The following IL1RL2 variants were observed in gnomAD, a reference collection of about 807,000 sequenced individuals.
IL1RL2 encodes interleukin 1 receptor like 2.
Under a neutral mutation model 66.8 loss-of-function variants are expected in IL1RL2, and 68 were observed. That is an observed-to-expected ratio of 1.02 (90% confidence interval 0.84 to 1.25). The LOEUF is 1.25. Ranked by LOEUF, IL1RL2 falls within the 50% of genes most tolerant of loss-of-function variation. IL1RL2 has a pLI of 0.00. For missense variants in IL1RL2, 729 were observed against 709.3 expected (o/e 1.03, Z -0.32); for synonymous variants, 305 against 264.6 (o/e 1.15, Z -1.48).
intron 2 of IL1RL2, among the ~76,000 whole-genome samples, chr2:102,188,289 A>T (rs938362286): frequency 2.6e-5 from 4 of 152,186 alleles, no homozygotes; most frequent in Non-Finnish European, 4.4e-5. Flanking sequence ...AATTTCTTCT[A>T]AGAAATTTGG....
At position 102,218,871 on chromosome 2, in the gene IL1RL2, G is replaced by A. The variant is rs1689845187; in HGVS notation, c.725-82G>A. The A allele has an allele frequency of 4.9e-6, 6 of 1,212,550 alleles. No homozygotes were observed. The South Asian group carries it at 5.2e-5, about 10-fold the overall frequency. The allele number at this position is 1,212,550 out of a possible 1,614,324, so 75.1% of individuals were successfully genotyped here. A position where few individuals can be genotyped will look rare whatever the true frequency, so the allele number is the denominator to read the frequency against. On this transcript the variant is annotated intron_variant, in intron 6 of 11. Transcript: ENST00000264257. ...AAAGGTATTCGAGGCTCGAGAGTAC[G>A]ATGCACTTGTAATCCAGATGTTAAC...
At chr2:102,242,245 A>C (rs1258441940), downstream of IL1RL2, among the ~76,000 whole-genome samples, 1 of 152,238 alleles carries the variant, frequency 6.6e-6, no homozygotes, top group East Asian at 1.9e-4. Context: ...GGAAGTTATA[A>C]AAATATTCAT....
chr2:102,211,367 C>T (rs1001128521), intron 5 of IL1RL2, among the ~76,000 whole-genome samples: 8 of 151,836 alleles, frequency 5.3e-5, no homozygotes, highest in African/African-American at 1.9e-4. Context: ...GGAGATAATG[C>T]TAAAGTTTGG....
chr2:102,219,115 G>A (rs1197900030), intron 7 of IL1RL2, 33 bp downstream of exon 7: 20 of 1,611,952 alleles, frequency 1.2e-5, no homozygotes, highest in East Asian at 2.2e-5. Context: ...TTCTCTAAAC[G>A]CTAGCAAGGA....
chr2:102,233,600 G>C (rs182111557), intron 10 of IL1RL2, among the ~76,000 whole-genome samples: 1 of 152,122 alleles, frequency 6.6e-6, no homozygotes, highest in Non-Finnish European at 1.5e-5. Context: ...TATAATGGAA[G>C]TTTTAGTGTA....
intron 8 of IL1RL2, among the ~76,000 whole-genome samples, chr2:102,225,537 G>A (rs1046039229): frequency 2.0e-5 from 3 of 152,166 alleles, no homozygotes; most frequent in Admixed American, 6.5e-5. Flanking sequence ...ATACTCAGGC[G>A]CCACCTCTGG....
intron 6 of IL1RL2, among the ~76,000 whole-genome samples, chr2:102,217,101 C>T (rs925751864): frequency 2.0e-5 from 3 of 152,148 alleles, no homozygotes; most frequent in South Asian, 2.1e-4. Flanking sequence ...ATCACCCTTT[C>T]ACTTTCAGTT....
chr2:102,203,624 C>T (rs1199975653), intron 5 of IL1RL2, among the ~76,000 whole-genome samples: 1 of 151,948 alleles, frequency 6.6e-6, no homozygotes, highest in Non-Finnish European at 1.5e-5. Context: ...TGGATTTCTT[C>T]CTGGTTCAAT....
intron 8 of IL1RL2, 77 bp downstream of exon 8, chr2:102,220,094 C>A: frequency 7.6e-7 from 1 of 1,322,424 alleles, no homozygotes; most frequent in Non-Finnish European, 1.0e-6. Context: ...GGAGCAGTGA[C>A]TCTAAATGCT....
downstream of IL1RL2, among the ~76,000 whole-genome samples, chr2:102,242,912 C>A (rs1239639825): frequency 6.6e-6 from 1 of 152,164 alleles, no homozygotes; most frequent in Admixed American, 6.5e-5. Flanking sequence ...AAGAATTTAT[C>A]TTTTAAATAG....
At chr2:102,193,021 C>T (rs762697977) in intron 4 of IL1RL2, among the ~76,000 whole-genome samples, 6 of 152,014 alleles carry the variant, frequency 3.9e-5, no homozygotes, top group Non-Finnish European at 8.8e-5. Flanking sequence ...TAAGGTTCAC[C>T]TTCAGTCATT....
chr2:102,189,226 A>T lies in IL1RL2; in HGVS notation c.209A>T (p.Gln70Leu), dbSNP rs1353182526. The part of the protein sequence containing the change: ...SSKIPVSKII[Q>L]SRIHQDETWI... ...AAAATCCCAGTGTCCAAAATCATAC[A>T]GTCTAGAATTCACCAGGACGAGACT... The change falls in exon 3 of 12, where the codon CAG (glutamine) becomes CTG (leucine). Residue 70 changes from glutamine to leucine, a missense_variant. Gln to Leu is a moderately radical substitution (Grantham distance 113, BLOSUM62 -2). Transcript: ENST00000264257. The T allele has an allele frequency of 6.2e-7, 1 of 1,614,142 alleles. No individual in the cohort carries two copies. Among genetic ancestry groups the T allele is most frequent in the Admixed American group, 1.7e-5 (1 of 60,030 alleles).
intron 11 of IL1RL2, among the ~76,000 whole-genome samples, chr2:102,237,124 G>A (rs1046979326): frequency 2.6e-5 from 4 of 152,150 alleles, no homozygotes; most frequent in African/African-American, 4.8e-5. Flanking sequence ...GAGAGGACAC[G>A]TCCCCGTACC....
chr2:102,214,156 C>T (rs1046750247), intron 6 of IL1RL2, among the ~76,000 whole-genome samples: 3 of 152,114 alleles, frequency 2.0e-5, no homozygotes, highest in African/African-American at 4.8e-5. Context: ...GACTTTCTTT[C>T]TCTACTCCTG....
downstream of IL1RL2, among the ~76,000 whole-genome samples, chr2:102,242,790 T>C (rs1473910658): frequency 6.6e-6 from 1 of 152,204 alleles, no homozygotes; most frequent in East Asian, 1.9e-4. Flanking sequence ...CCCAGGCAAG[T>C]TGACATATAA....
chr2:102,233,223 C>T, intron 10 of IL1RL2, 99 bp downstream of exon 10: 1 of 1,173,152 alleles, frequency 8.5e-7, no homozygotes, highest in East Asian at 2.5e-5. Context: ...CCTGCCTTCC[C>T]CATGGAACCA....
intron 4 of IL1RL2, among the ~76,000 whole-genome samples, chr2:102,193,631 C>T (rs1687421096): frequency 6.6e-6 from 1 of 152,236 alleles, no homozygotes; most frequent in Admixed American, 6.5e-5. Context: ...GGATTACAGG[C>T]ATGAACCACC....
At chr2:102,193,066 GCACA>G (rs139021486) in intron 4 of IL1RL2, among the ~76,000 whole-genome samples, 5 of 151,330 alleles carry the variant, frequency 3.3e-5, no homozygotes, top group Non-Finnish European at 7.4e-5. Context: ...ACACACACGT[GCACA>G]CACACACACA....
chr2:102,221,529 G>A (rs1047978714), intron 8 of IL1RL2, among the ~76,000 whole-genome samples: 1 of 152,058 alleles, frequency 6.6e-6, no homozygotes, highest in Non-Finnish European at 1.5e-5. Context: ...CGTTGTTCAG[G>A]CTCAAAATCT....
Sources: allele counts gnomAD v4.1 joint callset (sites outside exome capture counted in the v4.1 genomes callset), GRCh38; gene constraint gnomAD v4.1.1; transcripts MANE v1.5; gene names NCBI Gene and HGNC (gene_info 2026-07-23, HGNC 2026-07-21).